BRAF: variants seen among roughly 807,000 people sequenced by gnomAD.
The protein encoded by BRAF is B-Raf proto-oncogene, serine/threonine kinase, also known as serine/threonine-protein kinase B-raf.
BRAF carries 16 observed loss-of-function variants against 104.6 expected under a neutral mutation model. The ratio of observed to expected loss-of-function variants is 0.15; its 90% CI spans 0.10 to 0.23. The LOEUF (loss-of-function observed/expected upper bound fraction) is 0.23. Among genes scored for constraint, BRAF ranks in the 10% least tolerant of loss-of-function variants. The probability of loss-of-function intolerance (pLI) is 1.00; values close to 1 mark genes in which losing one functional copy is unlikely to be tolerated. For synonymous variants in BRAF, 310 were observed against 341.6 expected (o/e 0.91, Z 1.02); for missense variants, 541 against 937.3 (o/e 0.58, Z 5.52).
intron 1 of BRAF, among the ~76,000 whole-genome samples, chr7:140,871,253 A>AG (rs1189814138): frequency 6.6e-6 from 1 of 151,542 alleles, no homozygotes; most frequent in East Asian, 1.9e-4. Flanking sequence ...AAAAAAAAAA[A>AG]AAAAAAAAAG....
intron 1 of BRAF, among the ~76,000 whole-genome samples, chr7:140,900,241 A>G (rs1277378690): frequency 6.6e-6 from 1 of 152,242 alleles, no homozygotes; most frequent in Admixed American, 6.5e-5. Flanking sequence ...GGGCTTAATG[A>G]AAAAAGTTTC....
chr7:140,730,193 C>T (rs762719658), intron 19 of BRAF, among the ~76,000 whole-genome samples: 3 of 151,630 alleles, frequency 2.0e-5, no homozygotes, highest in African/African-American at 7.3e-5. Flanking sequence ...ACTTCCTACC[C>T]GTCTTCTATT....
chr7:140,917,380 A>G (rs1817739760), intron 1 of BRAF, among the ~76,000 whole-genome samples: 1 of 152,140 alleles, frequency 6.6e-6, no homozygotes, highest in African/African-American at 2.4e-5. Flanking sequence ...TGACTTTTAT[A>G]TGACTCCATT....
intron 1 of BRAF, among the ~76,000 whole-genome samples, chr7:140,878,897 G>A (rs946221186): frequency 5.9e-5 from 9 of 151,684 alleles, no homozygotes; most frequent in African/African-American, 9.7e-5. Context: ...CCTTTGAGAC[G>A]GAGTCTTGCT....
At chr7:140,916,598 C>T (rs977428374) in intron 1 of BRAF, among the ~76,000 whole-genome samples, 5 of 152,158 alleles carry the variant, frequency 3.3e-5, no homozygotes, top group Admixed American at 1.3e-4. Flanking sequence ...TAATGCAACA[C>T]GGTAAAAAGG....
intron 8 of BRAF, among the ~76,000 whole-genome samples, chr7:140,790,872 G>A (rs186052041): frequency 2.0e-5 from 3 of 152,246 alleles, no homozygotes; most frequent in Non-Finnish European, 4.4e-5. Flanking sequence ...TCTGGGAGGC[G>A]GAGGTGGGCG....
At chr7:140,715,322 C>G (rs1309412563), downstream of BRAF, among the ~76,000 whole-genome samples, 2 of 152,176 alleles carry the variant, frequency 1.3e-5, no homozygotes, top group Non-Finnish European at 2.9e-5. Context: ...TGTTTACTCA[C>G]CTGTGTGTGA....
chr7:140,904,955 TA>T (rs1354286835), intron 1 of BRAF, among the ~76,000 whole-genome samples: 6 of 152,214 alleles, frequency 3.9e-5, no homozygotes, highest in Non-Finnish European at 7.3e-5. Context: ...CATGAAGCTT[TA>T]AAAATTACCC....
chr7:140,739,469 G>A (rs1796718987), intron 18 of BRAF, among the ~76,000 whole-genome samples: 1 of 142,078 alleles, frequency 7.0e-6, no homozygotes, highest in African/African-American at 2.5e-5. Flanking sequence ...TTAAAAAATA[G>A]TTTTAATTTC....
chr7:140,829,075 T>C (rs1806402004), intron 3 of BRAF, among the ~76,000 whole-genome samples: 2 of 152,152 alleles, frequency 1.3e-5, no homozygotes, highest in South Asian at 2.1e-4. Context: ...GGGTTTTGTC[T>C]TTTTCTTGCC....
intron 14 of BRAF, among the ~76,000 whole-genome samples, chr7:140,765,160 C>A (rs1335910471): frequency 6.6e-6 from 1 of 152,122 alleles, no homozygotes; most frequent in East Asian, 1.9e-4. Context: ...CTACAACTAT[C>A]TGATCTTTGA....
chr7:140,902,720 G>A (rs1334861171), intron 1 of BRAF, among the ~76,000 whole-genome samples: 1 of 152,138 alleles, frequency 6.6e-6, no homozygotes, highest in Non-Finnish European at 1.5e-5. Context: ...ATTGCTTGAG[G>A]CCAGGAGTTT....
chr7:140,735,558 A>ATT (rs1163272462), intron 18 of BRAF, among the ~76,000 whole-genome samples: 2 of 145,410 alleles, frequency 1.4e-5, no homozygotes, highest in Non-Finnish European at 3.0e-5. Context: ...TGAGATACCA[A>ATT]TTTTTTTTTT....
intron 2 of BRAF, chr7:140,836,269 G>T (rs2129063305): frequency 6.6e-6 from 1 of 152,146 alleles, no homozygotes; most frequent in East Asian, 1.9e-4. Context: ...AAAAAGGAAA[G>T]AAAGAAATTT....
At chr7:140,813,347 A>G (rs1804483750) in intron 3 of BRAF, among the ~76,000 whole-genome samples, 1 of 152,180 alleles carries the variant, frequency 6.6e-6, no homozygotes, top group Non-Finnish European at 1.5e-5. Flanking sequence ...GTTATTTTTC[A>G]TTTATCAGAT....
chr7:140,863,972 G>A (rs573676050), intron 1 of BRAF, among the ~76,000 whole-genome samples: 11 of 152,230 alleles, frequency 7.2e-5, no homozygotes, highest in Admixed American at 3.9e-4. Context: ...TTTTATAGAC[G>A]AGCACATTGT....
chr7:140,923,984 G>A (rs145862578), intron 1 of BRAF, among the ~76,000 whole-genome samples: 1 of 152,078 alleles, frequency 6.6e-6, no homozygotes, highest in South Asian at 2.1e-4. Flanking sequence ...GATTGAAAAA[G>A]TAAAGACTAA....
At chr7:140,888,151 G>C (rs2129111982) in intron 1 of BRAF, among the ~76,000 whole-genome samples, 1 of 152,312 alleles carries the variant, frequency 6.6e-6, no homozygotes, top group Admixed American at 6.5e-5. Context: ...GGGATCACAG[G>C]CGTAAGCCAC....
Position 140,719,876 on chromosome 7 carries a change from C to T in BRAF, c.*6618G>A. The T allele has an allele frequency of 9.4e-7, 1 of 1,062,664 alleles. No homozygotes were observed. The highest frequency in any genetic ancestry group is 1.1e-6 in the Non-Finnish European group (1 of 877,646). The allele number at this position is 1,062,664 out of a possible 1,614,324, so 65.8% of individuals were successfully genotyped here. ...TGAGTGGAACTGAAGTGTACTAAAC[C>T]CGAACCTTTGGCAGTAACAGAAAAG... On this transcript the variant is annotated 3_prime_UTR_variant, in exon 20 of 20. Transcript: ENST00000644969.
Sources: allele counts gnomAD v4.1 joint callset (sites outside exome capture counted in the v4.1 genomes callset), GRCh38; gene constraint gnomAD v4.1.1; transcripts MANE v1.5; gene names NCBI Gene and HGNC (gene_info 2026-07-23, HGNC 2026-07-21).